The following ABCC1 variants were observed in gnomAD, a reference collection of about 807,000 sequenced individuals.
ABCC1 encodes the protein multidrug resistance-associated protein 1.
Under a neutral mutation model 172.9 loss-of-function variants are expected in ABCC1, and 83 were observed. That is an observed-to-expected ratio of 0.48 (90% CI 0.40 to 0.58). ABCC1 has a LOEUF of 0.58. ABCC1 is among the 20% of genes least tolerant of loss of function. The pLI is 0.00. For missense variants in ABCC1, 1,817 were observed against 2,002.7 expected (o/e 0.91, Z 1.77); for synonymous variants, 937 against 825.2 (o/e 1.14, Z -2.32).
chr16:16,087,981 C>T (rs928110892), intron 18 of ABCC1, among the ~76,000 whole-genome samples: 1 of 152,086 alleles, frequency 6.6e-6, no homozygotes, highest in Non-Finnish European at 1.5e-5. Flanking sequence ...TAATCGTTCC[C>T]ATACATACCA....
Position 16,102,711 on chromosome 16 carries a change from T to C in ABCC1, c.2729T>C (p.Leu910Pro), listed in dbSNP as rs1289729420. The C allele has an allele frequency of 8.9e-6, 14 of 1,577,544 alleles. No homozygotes were observed. Among genetic ancestry groups the C allele is most frequent in the Non-Finnish European group, 1.2e-5 (14 of 1,161,262 alleles). ...MLVTDSAGKQ[L>P]QRQLSSSSSY... ...GTGACGGACAGTGCAGGGAAGCAAC[T>C]GCAGAGGTAAGGGCGGGGAGGAAGG... The change falls in exon 20 of 31, where the codon CTG becomes CCG. Residue 910 changes from leucine to proline, a missense_variant. Physicochemically the swap from Leu to Pro is moderately conservative, Grantham distance 98. Around this residue, in one of 3 missense-constraint regions of ABCC1, gnomAD observed 1,412 missense variants for 1,600.3 expected, o/e 0.88. Transcript: ENST00000399410.
chr16:16,023,926 C>A (rs1030377669), intron 5 of ABCC1, among the ~76,000 whole-genome samples: 7 of 152,196 alleles, frequency 4.6e-5, no homozygotes, highest in African/African-American at 1.7e-4. Context: ...ACTTGGAATT[C>A]GGCTTGGCTA....
intron 10 of ABCC1, among the ~76,000 whole-genome samples, chr16:16,052,122 G>C (rs1415769566): frequency 1.3e-5 from 2 of 152,096 alleles, no homozygotes; most frequent in Admixed American, 6.6e-5. Context: ...ACAGCTACTT[G>C]GGAGGCTGAG....
At chr16:15,968,014 A>C (rs2046285747) in intron 1 of ABCC1, among the ~76,000 whole-genome samples, 1 of 152,110 alleles carries the variant, frequency 6.6e-6, no homozygotes, top group South Asian at 2.1e-4. Flanking sequence ...AAACATGAAA[A>C]TCCCTTCTAG....
intron 1 of ABCC1, among the ~76,000 whole-genome samples, chr16:15,984,199 A>T (rs562711155): frequency 6.6e-5 from 10 of 152,338 alleles, no homozygotes; most frequent in African/African-American, 2.4e-4. Flanking sequence ...ATGCTTGCAG[A>T]AGGACATAAG....
At chr16:16,132,207 TGA>T (rs1361125130) in intron 27 of ABCC1, among the ~76,000 whole-genome samples, 2 of 152,086 alleles carry the variant, frequency 1.3e-5, no homozygotes, top group African/African-American at 4.8e-5. Flanking sequence ...TTGTTGTTGT[TGA>T]GAGAGGGTCT....
chr16:16,073,716 C>T (rs2050442602), intron 14 of ABCC1, among the ~76,000 whole-genome samples: 1 of 152,124 alleles, frequency 6.6e-6, no homozygotes, highest in Non-Finnish European at 1.5e-5. Flanking sequence ...ATGATCATGC[C>T]ACTGTACTCC....
At position 16,063,077 on chromosome 16, in the gene ABCC1, G is replaced by A. The variant is rs190414344; in HGVS notation, c.1678-5079G>A. 1.2e-4 allele frequency among the ~76,000 whole-genome samples: 18 copies of A among 152,162 alleles called. No individual in the cohort carries two copies. The East Asian group carries it at 2.3e-3, about 20-fold the overall frequency. ...CTAGGGCCCATGGAGACACTGCCAC[G>A]ACCATGTCATTTTATTTATTTATAT... On this transcript the variant is annotated intron_variant, in intron 12 of 30. Coordinates refer to ENST00000399410, the MANE Select transcript of ABCC1 (RefSeq NM_004996.4).
chr16:16,043,172 A>AT lies in ABCC1; in HGVS notation c.810-1269dup, dbSNP rs1003296748. Among the ~76,000 whole-genome samples the AT allele has an allele frequency of 4.6e-4, 63 of 138,334 alleles. No individual in the cohort carries two copies. In the East Asian group the frequency reaches 5.2e-3, roughly 11 times the overall value. 90.8% of individuals were successfully genotyped at this position (138,334 alleles called of 152,430 possible). A position where few individuals can be genotyped will look rare whatever the true frequency, so the allele number is the denominator to read the frequency against. ...ACCACTGCACCCAGTCAAAAAAAAA[A>AT]TTTTTTTTTAGAAATAGGGTCTTGC... On this transcript the variant is annotated intron_variant, in intron 7 of 30. Coordinates refer to ENST00000399410, the MANE Select transcript of ABCC1 (RefSeq NM_004996.4).
intron 15 of ABCC1, among the ~76,000 whole-genome samples, chr16:16,077,063 C>G (rs1041248884): frequency 1.3e-5 from 2 of 152,148 alleles, no homozygotes; most frequent in Non-Finnish European, 2.9e-5. Flanking sequence ...CTTACCTTTC[C>G]AAAGCACATG....
At position 16,142,430 on chromosome 16, in the gene ABCC1, C is replaced by A. The variant is rs1266789801; in HGVS notation, c.*1149C>A. On this transcript the variant is annotated 3_prime_UTR_variant, in exon 31 of 31. Transcript: ENST00000399410. ...AACACGAAATACCTCCCAAGTATTA[C>A]CAGTGGGTACCAAAAAAATGTCCCC... 6.6e-6 allele frequency: 1 copy of A among 152,164 alleles called. No homozygotes were observed. The highest frequency in any genetic ancestry group is 1.9e-4 in the East Asian group (1 of 5,194). The allele number at this position is 152,164 out of a possible 1,614,324, so 9.4% of individuals were successfully genotyped here.
intron 23 of ABCC1, among the ~76,000 whole-genome samples, chr16:16,120,018 C>T (rs1380448442): frequency 6.6e-6 from 1 of 151,990 alleles, no homozygotes; most frequent in South Asian, 2.1e-4. Context: ...TGGGGTTGTG[C>T]GGTACCTGGG....
intron 15 of ABCC1, among the ~76,000 whole-genome samples, chr16:16,077,456 C>T (rs1005478821): frequency 3.3e-5 from 5 of 152,166 alleles, no homozygotes; most frequent in African/African-American, 1.2e-4. Context: ...TTTTCCTGTT[C>T]AGTTACCTTC....
intron 1 of ABCC1, among the ~76,000 whole-genome samples, chr16:15,957,750 A>G (rs1403041277): frequency 6.6e-6 from 1 of 152,066 alleles, no homozygotes; most frequent in Non-Finnish European, 1.5e-5. Context: ...ACGCCACCAC[A>G]TCCAGCTAAT....
chr16:15,983,744 C>T (rs956876560), intron 1 of ABCC1, among the ~76,000 whole-genome samples: 10 of 151,294 alleles, frequency 6.6e-5, no homozygotes, highest in South Asian at 2.1e-4. Context: ...TTATTGGAGA[C>T]GGGGTTTCAT....
At chr16:16,046,634 C>G (rs770512510) in intron 9 of ABCC1, among the ~76,000 whole-genome samples, 3 of 152,114 alleles carry the variant, frequency 2.0e-5, no homozygotes, top group Non-Finnish European at 1.5e-5. Context: ...CATGAGCCAC[C>G]GCGCCCAGCC....
In ABCC1 at chr16:16,044,446, C is replaced by G. The variant is rs555608848; in HGVS notation, c.810-4C>G. 741 of 1,613,180 alleles carry G rather than the reference C, an allele frequency of 4.6e-4. 8 individuals carry two copies. In the South Asian group the frequency reaches 7.6e-3, roughly 17 times the overall value. ...CACAACGGCTTCACCTCCTTGTGTTCCAGGCAGCCGGTGAAGGTTGTGTAC... is the reference window on the plus strand; with the variant it reads ...CACAACGGCTTCACCTCCTTGTGTTGCAGGCAGCCGGTGAAGGTTGTGTAC... On this transcript the variant is annotated splice_region_variant and splice_polypyrimidine_tract_variant and intron_variant, in intron 7 of 30. Coordinates refer to ENST00000399410, the MANE Select transcript of ABCC1 (RefSeq NM_004996.4).
upstream of ABCC1, chr16:15,949,498 C>G (rs1265910229): frequency 8.4e-6 from 1 of 119,172 alleles, no homozygotes; most frequent in Non-Finnish European, 1.6e-5. Flanking sequence ...CTGCCCACGC[C>G]GAGACGCGCG....
At position 16,102,534 on chromosome 16, in the gene ABCC1, GTCTCCTC is replaced by G. The variant is rs2051809567; in HGVS notation, c.2645-92_2645-86del. ...CATCCTGGCGGCCAGGTGCTCTGTG[GTCTCCTC>G]ACTGAAGTGGCCGGTTTTTGTTGCC... On this transcript the variant is annotated intron_variant, in intron 19 of 30. Transcript: ENST00000399410. The G allele has an allele frequency of 1.3e-5, 15 of 1,137,452 alleles. No homozygotes were observed. The African/African-American group carries it at 2.3e-4, about 17-fold the overall frequency. 70.5% of individuals were successfully genotyped at this position (1,137,452 alleles called of 1,614,324 possible).
Sources: allele counts gnomAD v4.1 joint callset (sites outside exome capture counted in the v4.1 genomes callset), GRCh38; gene constraint gnomAD v4.1.1; regional missense constraint gnomAD v4.1.1; transcripts MANE v1.5; gene names NCBI Gene and HGNC (gene_info 2026-07-23, HGNC 2026-07-21).